Variants in PKP2 observed in about 807,000 individuals in gnomAD.
PKP2 encodes the protein plakophilin 2, also known as plakophilin-2.
In PKP2, 73 loss-of-function variants were observed where a neutral mutation model predicts 83.4. That is an observed-to-expected ratio of 0.88 (90% CI 0.72 to 1.06). The LOEUF is 1.06. Ranked by LOEUF, PKP2 falls within the 50% of genes least tolerant of loss-of-function variation. The pLI, the probability that PKP2 is intolerant of heterozygous loss-of-function variation, is 0.00. For synonymous variants in PKP2, 409 were observed against 430.4 expected, an observed-to-expected ratio of 0.95 and a Z score of 0.62; for missense variants, 966 against 1,065.4, an observed-to-expected ratio of 0.91 and a Z score of 1.30.
At chr12:32,832,108 C>T (rs956947525) in intron 6 of PKP2, among the ~76,000 whole-genome samples, 5 of 151,994 alleles carry the variant, frequency 3.3e-5, no homozygotes, top group African/African-American at 1.2e-4. Flanking sequence ...GCTGGCCAGG[C>T]GGGGTGGCTC....
chr12:32,822,692 T>C (rs558039355), intron 7 of PKP2, 61 bp from the exon 8 acceptor site: 25 of 1,559,392 alleles, frequency 1.6e-5, no homozygotes, highest in Non-Finnish European at 2.2e-5. Context: ...AGGTGTGATA[T>C]CACAGGACAC....
intron 5 of PKP2, among the ~76,000 whole-genome samples, chr12:32,849,235 A>T: frequency 6.6e-6 from 1 of 152,088 alleles, no homozygotes; most frequent in Non-Finnish European, 1.5e-5. Context: ...TTTTTTTGAG[A>T]TAAGGTCTCA....
At chr12:32,797,941 G>T (rs929745749) in intron 10 of PKP2, among the ~76,000 whole-genome samples, 1 of 152,040 alleles carries the variant, frequency 6.6e-6, no homozygotes, top group African/African-American at 2.4e-5. Context: ...AGGATCACTT[G>T]AGCCCAGGAG....
intron 4 of PKP2, among the ~76,000 whole-genome samples, chr12:32,854,853 C>T (rs1228230609): frequency 6.6e-6 from 1 of 152,210 alleles, no homozygotes; most frequent in Non-Finnish European, 1.5e-5. Flanking sequence ...AGGGAACACA[C>T]AGCCTCTGCT....
At chr12:32,804,054 T>C (rs1201653944) in intron 9 of PKP2, among the ~76,000 whole-genome samples, 1 of 152,030 alleles carries the variant, frequency 6.6e-6, no homozygotes, top group Non-Finnish European at 1.5e-5. Flanking sequence ...AGAAGCACAG[T>C]AGCATCACCA....
chr12:32,874,792 G>T (rs1019442728), intron 3 of PKP2, among the ~76,000 whole-genome samples: 10 of 151,994 alleles, frequency 6.6e-5, no homozygotes, highest in African/African-American at 2.4e-4. Flanking sequence ...CCAGGCTGGG[G>T]TACAGTGGCA....
rs575478039 is a variant in PKP2, at chr12:32,822,444, C to T, written c.1839+23G>A. 2.5e-6 allele frequency: 4 copies of T among 1,605,582 alleles called. No homozygotes were observed. In the Admixed American group the frequency reaches 5.0e-5, roughly 20 times the overall value. ...TCTCTCATTCTCTCCCTTTCTCATTCTTTCAAAAACTTCCCAATATACCTC... is the reference window on the plus strand; with the variant it reads ...TCTCTCATTCTCTCCCTTTCTCATTTTTTCAAAAACTTCCCAATATACCTC... On this transcript the variant is annotated intron_variant, in intron 8 of 12. Transcript: ENST00000340811.
At chr12:32,835,991 A>G (rs1437140925) in intron 6 of PKP2, among the ~76,000 whole-genome samples, 1 of 152,174 alleles carries the variant, frequency 6.6e-6, no homozygotes, top group African/African-American at 2.4e-5. Flanking sequence ...GCTAGTTTCA[A>G]GCTACCAACA....
intron 6 of PKP2, among the ~76,000 whole-genome samples, chr12:32,835,065 T>C (rs915620860): frequency 1.3e-5 from 2 of 151,572 alleles, no homozygotes; most frequent in African/African-American, 4.8e-5. Flanking sequence ...TTTTTTTCTT[T>C]TTTTTTGAAG....
Position 32,821,433 on chromosome 12 carries a change from T to G in PKP2, c.1936A>C (p.Ile646Leu). 1 of 1,614,120 alleles carries G rather than the reference T, an allele frequency of 6.2e-7. No homozygotes were observed. Among genetic ancestry groups the G allele is most frequent in the Non-Finnish European group, 8.5e-7 (1 of 1,180,012 alleles). ...GTGTAGTTGCGGACACTTTTGGCGA[T>G]CAAGGACAGATACATCCTTATAACA... is the stretch of plus-strand genomic sequence containing the variant. ...SIVIRMYLSL[I>L]AKSVRNYTQE... is the part of the protein sequence containing the mutation. Residue 646 changes from isoleucine (I) to leucine (L), a missense_variant, in exon 9 of 13, where the codon ATC (isoleucine) becomes CTC (leucine). Coordinates refer to ENST00000340811, the MANE Select transcript of PKP2 (RefSeq NM_001005242.3).
chr12:32,884,234 G>A (rs1326260323), intron 1 of PKP2, among the ~76,000 whole-genome samples: 2 of 152,032 alleles, frequency 1.3e-5, no homozygotes, highest in Non-Finnish European at 2.9e-5. Flanking sequence ...TGGGCAGATC[G>A]CCTGAGGTCA....
intron 3 of PKP2, among the ~76,000 whole-genome samples, chr12:32,876,767 T>A (rs138941386): frequency 1.9e-3 from 290 of 152,350 alleles, no homozygotes; most frequent in African/African-American, 6.8e-3. Context: ...TAAACTCAAG[T>A]GATTCGCTCG....
At chr12:32,866,108 C>A (rs1956846507) in intron 4 of PKP2, among the ~76,000 whole-genome samples, 1 of 151,874 alleles carries the variant, frequency 6.6e-6, no homozygotes, top group Admixed American at 6.6e-5. Context: ...AAAATATTTT[C>A]ATATTATATA....
At chr12:32,865,662 G>A (rs1035827877) in intron 4 of PKP2, among the ~76,000 whole-genome samples, 1 of 105,930 alleles carries the variant, frequency 9.4e-6, no homozygotes, top group African/African-American at 6.0e-5. Flanking sequence ...TTCCTGTCTG[G>A]AACAGAGTGA....
chr12:32,870,946 C>A (rs1048926461), intron 3 of PKP2, among the ~76,000 whole-genome samples: 1 of 152,096 alleles, frequency 6.6e-6, no homozygotes, highest in Non-Finnish European at 1.5e-5. Context: ...CAATCCAATG[C>A]GATTTCACTT....
intron 9 of PKP2, among the ~76,000 whole-genome samples, chr12:32,809,306 T>C (rs570269105): frequency 7.6e-4 from 115 of 152,162 alleles, no homozygotes; most frequent in African/African-American, 2.7e-3. Context: ...GGGCACAATC[T>C]GGCACAGCAG....
chr12:32,798,085 T>TTTC (rs1171500623), intron 10 of PKP2, among the ~76,000 whole-genome samples: 1 of 7,188 alleles, frequency 1.4e-4, no homozygotes, highest in Non-Finnish European at 1.6e-3. Flanking sequence ...ACTACTCTTG[T>TTTC]TTTTTTTTTT....
chr12:32,802,324 G>A, intron 10 of PKP2, 79 bp downstream of exon 10: 1 of 1,413,242 alleles, frequency 7.1e-7, no homozygotes, highest in African/African-American at 1.4e-5. Flanking sequence ...TTTGTGAACG[G>A]GAGGTGATAC....
intron 1 of PKP2, among the ~76,000 whole-genome samples, chr12:32,887,500 C>G (rs1957039977): frequency 6.6e-6 from 1 of 152,208 alleles, no homozygotes; most frequent in Non-Finnish European, 1.5e-5. Flanking sequence ...GTCGCCCAGG[C>G]TGAAGTGCAG....
Sources: gnomAD v4.1 joint callset for allele counts (sites outside exome capture counted in the v4.1 genomes callset) on GRCh38, gnomAD v4.1.1 for gene constraint, MANE v1.5 for transcripts, NCBI Gene and HGNC (gene_info 2026-07-23, HGNC 2026-07-21) for gene names.